The following TACR1 variants were observed in gnomAD, a reference collection of about 807,000 sequenced individuals.
TACR1 encodes substance-P receptor.
In TACR1, 25 loss-of-function variants were observed where a neutral mutation model predicts 35.8. That is an observed-to-expected ratio of 0.70 (90% CI 0.51 to 0.98). The LOEUF is 0.98. Ranked by LOEUF, TACR1 falls within the 50% of genes least tolerant of loss-of-function variation. The pLI, the probability that TACR1 is intolerant of heterozygous loss-of-function variation, is 0.00. For synonymous variants in TACR1, 195 were observed against 206.7 expected (o/e 0.94, Z 0.48); for missense variants, 478 against 522.9 (o/e 0.91, Z 0.84).
At chr2:75,072,011 A>G (rs1368174081) in intron 2 of TACR1, among the ~76,000 whole-genome samples, 1 of 152,220 alleles carries the variant, frequency 6.6e-6, no homozygotes, top group African/African-American at 2.4e-5. Flanking sequence ...CAAGCGTAGC[A>G]TAGATGTTTG....
At chr2:75,196,806 G>A (rs921526680) in intron 1 of TACR1, among the ~76,000 whole-genome samples, 2 of 152,150 alleles carry the variant, frequency 1.3e-5, no homozygotes, top group South Asian at 2.1e-4. Flanking sequence ...TAGAGCTTGT[G>A]CAAAGCCCCA....
chr2:75,192,278 T>C (rs1675864166), intron 1 of TACR1, among the ~76,000 whole-genome samples: 1 of 150,628 alleles, frequency 6.6e-6, no homozygotes, highest in African/African-American at 2.5e-5. Flanking sequence ...TGGGGATGCT[T>C]CAAGATAAAT....
intron 1 of TACR1, among the ~76,000 whole-genome samples, chr2:75,161,185 C>G (rs1254275888): frequency 6.6e-6 from 1 of 151,946 alleles, no homozygotes; most frequent in Non-Finnish European, 1.5e-5. Context: ...CCACACTACT[C>G]AAAGACATTA....
intron 2 of TACR1, among the ~76,000 whole-genome samples, chr2:75,106,659 C>G (rs190438700): frequency 1.3e-5 from 2 of 151,864 alleles, no homozygotes; most frequent in Admixed American, 1.3e-4. Context: ...AAAATTATGT[C>G]AATAGTTGTC....
intron 2 of TACR1, among the ~76,000 whole-genome samples, chr2:75,058,208 A>G (rs1048076206): frequency 6.6e-6 from 1 of 152,264 alleles, no homozygotes; most frequent in African/African-American, 2.4e-5. Flanking sequence ...TTCCATTATT[A>G]GAAAACATAA....
chr2:75,120,672 GGCCAGCAGGAGA>G lies in TACR1; in HGVS notation c.474_485del (p.Leu159_Ala162del). On this transcript the variant is annotated inframe_deletion, in exon 2 of 5. Transcript: ENST00000305249. ...TGGTTGAGTAGTAGCCCTGGGGGAA[GGCCAGCAGGAGA>G]GCCAGGACCCAGATGACACAGATGA... is the stretch of plus-strand genomic sequence containing the variant. 6.2e-7 allele frequency: 1 copy of G among 1,614,102 alleles called. No individual in the cohort carries two copies.
At chr2:75,191,220 G>A (rs1231254212) in intron 1 of TACR1, among the ~76,000 whole-genome samples, 4 of 152,150 alleles carry the variant, frequency 2.6e-5, no homozygotes, top group Non-Finnish European at 5.9e-5. Context: ...ACCACTTCAT[G>A]CTGGAATTTT....
chr2:75,053,786 T>C (rs1232294932), intron 2 of TACR1, 31 bp from the exon 3 acceptor site: 3 of 1,613,794 alleles, frequency 1.9e-6, no homozygotes, highest in East Asian at 2.2e-5. Flanking sequence ...AAGGTCAGTA[T>C]GATATACTTA....
At chr2:75,173,503 C>T (rs532105385) in intron 1 of TACR1, among the ~76,000 whole-genome samples, 23 of 152,208 alleles carry the variant, frequency 1.5e-4, no homozygotes, top group African/African-American at 5.5e-4. Flanking sequence ...CATTTTCCAT[C>T]AAGGAAGTTG....
chr2:75,182,069 C>A (rs6721905), intron 1 of TACR1, among the ~76,000 whole-genome samples: 4,948 of 152,280 alleles, frequency 0.032, 189 homozygotes, highest in African/African-American at 0.091. Context: ...GATCCACAAC[C>A]CTTAGCTTAG....
chr2:75,105,320 C>T (rs1673617524), intron 2 of TACR1, among the ~76,000 whole-genome samples: 1 of 151,908 alleles, frequency 6.6e-6, no homozygotes, highest in African/African-American at 2.4e-5. Flanking sequence ...GACATGTGGA[C>T]TCTAAAACAG....
chr2:75,163,282 A>G (rs999703351), intron 1 of TACR1, among the ~76,000 whole-genome samples: 4 of 152,094 alleles, frequency 2.6e-5, no homozygotes, highest in African/African-American at 9.7e-5. Flanking sequence ...ACTTTTATCA[A>G]TTTTTTTACC....
intron 2 of TACR1, among the ~76,000 whole-genome samples, chr2:75,073,209 C>A (rs1237635406): frequency 1.3e-5 from 2 of 152,210 alleles, no homozygotes; most frequent in Non-Finnish European, 2.9e-5. Flanking sequence ...TCACAATCAC[C>A]CTGATTGGAG....
intron 1 of TACR1, among the ~76,000 whole-genome samples, chr2:75,140,261 G>A (rs1674376479): frequency 6.6e-6 from 1 of 152,044 alleles, no homozygotes; most frequent in South Asian, 2.1e-4. Flanking sequence ...TCCCACTCAA[G>A]TTAATTCAGA....
intron 1 of TACR1, among the ~76,000 whole-genome samples, chr2:75,175,843 C>T (rs1675399693): frequency 6.6e-6 from 1 of 152,114 alleles, no homozygotes. Flanking sequence ...TTCTGCCTAT[C>T]ATAGAAAACA....
intron 1 of TACR1, among the ~76,000 whole-genome samples, chr2:75,157,275 A>AT: frequency 6.6e-6 from 1 of 152,078 alleles, no homozygotes; most frequent in South Asian, 2.1e-4. Context: ...CTTTCCTTTC[A>AT]TTTTCCTTAC....
intron 1 of TACR1, among the ~76,000 whole-genome samples, chr2:75,139,859 G>A (rs1674366581): frequency 6.6e-6 from 1 of 152,126 alleles, no homozygotes; most frequent in Non-Finnish European, 1.5e-5. Flanking sequence ...GAGGAGCACT[G>A]GAAAGATTAG....
intron 1 of TACR1, among the ~76,000 whole-genome samples, chr2:75,123,437 G>T (rs1011674269): frequency 6.6e-6 from 1 of 152,100 alleles, no homozygotes; most frequent in Non-Finnish European, 1.5e-5. Context: ...CTGGGCTTAC[G>T]GGGGATTGCA....
intron 2 of TACR1, among the ~76,000 whole-genome samples, chr2:75,073,251 T>G (rs532719567): frequency 6.6e-6 from 1 of 152,328 alleles, no homozygotes; most frequent in Admixed American, 6.5e-5. Context: ...GCAGTCTAAT[T>G]TTTACAGAGA....
Sources: gnomAD v4.1 joint callset for allele counts (sites outside exome capture counted in the v4.1 genomes callset) on GRCh38, gnomAD v4.1.1 for gene constraint, MANE v1.5 for transcripts, NCBI Gene and HGNC (gene_info 2026-07-23, HGNC 2026-07-21) for gene names.